AFF2: variants seen among roughly 807,000 people sequenced by gnomAD.
AFF2 encodes ALF transcription elongation factor 2.
In AFF2, 14 loss-of-function variants were observed where a neutral mutation model predicts 76.9. The ratio of observed to expected loss-of-function variants is 0.18; its 90% CI spans 0.12 to 0.28. The LOEUF is 0.28. Among genes scored for constraint, AFF2 ranks in the 10% least tolerant of loss-of-function variants. AFF2 has a pLI of 1.00. For missense variants in AFF2, 868 were observed against 1,001.1 expected, an observed-to-expected ratio of 0.87 and a Z score of 1.79; for synonymous variants, 398 against 366.7, an observed-to-expected ratio of 1.09 and a Z score of -0.98.
intron 1 of AFF2, among the ~76,000 whole-genome samples, chrX:148,578,160 T>C (rs1159445119): frequency 1.8e-5 from 2 of 112,065 alleles, no homozygotes; most frequent in Admixed American, 1.9e-4. Context: ...GCTTGTGCTT[T>C]TAGGTTTTGG....
At chrX:148,840,770 A>G (rs1413862101) in intron 5 of AFF2, among the ~76,000 whole-genome samples, 2 of 112,408 alleles carry the variant, frequency 1.8e-5, no homozygotes, top group African/African-American at 3.2e-5. Flanking sequence ...CTGGATATGT[A>G]TGTAAAGTAA....
Position 148,822,355 on chromosome X carries a change from G to A in AFF2, c.1086+12435G>A, listed in dbSNP as rs782514759. ...TCTATAGATAAGCAGTGGTAAGAGCGAGAAATGACACCCATCTAGCCAGCC... is the reference window on the plus strand; with the variant it reads ...TCTATAGATAAGCAGTGGTAAGAGCAAGAAATGACACCCATCTAGCCAGCC... On this transcript the variant is annotated intron_variant, in intron 4 of 20. Coordinates refer to ENST00000370460, the MANE Select transcript of AFF2 (RefSeq NM_002025.4). 10 of 111,427 alleles carry A rather than the reference G, an allele frequency of 9.0e-5. No individual in the cohort carries two copies. In the South Asian group the frequency reaches 1.2e-3, roughly 13 times the overall value. 9.2% of individuals were successfully genotyped at this position (111,427 alleles called of 1,213,427 possible).
intron 9 of AFF2, among the ~76,000 whole-genome samples, chrX:148,951,134 G>A (rs1174357281): frequency 1.0e-5 from 1 of 98,421 alleles, no homozygotes; most frequent in African/African-American, 3.7e-5. Flanking sequence ...AAGGGCTTTA[G>A]ATAGGAAAGA....
intron 3 of AFF2, among the ~76,000 whole-genome samples, chrX:148,769,921 G>T (rs892819052): frequency 9.0e-6 from 1 of 111,502 alleles, no homozygotes; most frequent in Non-Finnish European, 1.9e-5. Context: ...GCTGCTGGGG[G>T]CAGAGCTTTC....
chrX:148,783,352 AT>A (rs782499925), intron 3 of AFF2, among the ~76,000 whole-genome samples: 30 of 108,227 alleles, frequency 2.8e-4, no homozygotes, highest in African/African-American at 8.1e-4. Flanking sequence ...GGAAACAACC[AT>A]TTTTTTTTTA....
chrX:148,775,409 T>A (rs7890217), intron 3 of AFF2, among the ~76,000 whole-genome samples: 3,092 of 112,140 alleles, frequency 0.028, 113 homozygotes, highest in African/African-American at 0.095. Flanking sequence ...CTTAAACTTT[T>A]CACATTAAAT....
chrX:148,857,663 GA>G (rs2070801803), intron 7 of AFF2, among the ~76,000 whole-genome samples: 1 of 110,983 alleles, frequency 9.0e-6, no homozygotes, highest in African/African-American at 3.3e-5. Flanking sequence ...TTGTTTTTCA[GA>G]GAGAGATCTT....
intron 3 of AFF2, among the ~76,000 whole-genome samples, chrX:148,742,311 G>A (rs181871647): frequency 5.3e-5 from 6 of 112,164 alleles, no homozygotes; most frequent in East Asian, 2.8e-4. Context: ...ATATTTCTGC[G>A]AAGAAATCTC....
At chrX:148,598,930 G>A (rs1252270320) in intron 1 of AFF2, among the ~76,000 whole-genome samples, 6 of 111,819 alleles carry the variant, frequency 5.4e-5, no homozygotes, top group Non-Finnish European at 1.1e-4. Flanking sequence ...CCCTTCTGTC[G>A]GGCTAAATAA....
intron 1 of AFF2, among the ~76,000 whole-genome samples, chrX:148,528,735 A>G (rs1421623664): frequency 8.9e-6 from 1 of 112,081 alleles, no homozygotes; most frequent in Admixed American, 9.5e-5. Flanking sequence ...TTCTAAAAGA[A>G]ACAATCCGTT....
rs781982117 is a variant in AFF2, at chrX:148,690,410, G to C, written c.1041+27642G>C. Among the ~76,000 whole-genome samples, 15 of 112,019 alleles carry C rather than the reference G, an allele frequency of 1.3e-4. No individual in the cohort carries two copies. In the East Asian group the frequency reaches 3.9e-3, roughly 29 times the overall value. Reference sequence around the variant, plus strand: ...GAACCACAGAGAATGTAGCAGTAAGGACCCATAGATACCATCTAGTCTAAA... The same window carrying C: ...GAACCACAGAGAATGTAGCAGTAAGCACCCATAGATACCATCTAGTCTAAA... On this transcript the variant is annotated intron_variant, in intron 3 of 20. Coordinates refer to ENST00000370460, the MANE Select transcript of AFF2 (RefSeq NM_002025.4).
At chrX:148,552,775 A>G (rs1422094575) in intron 1 of AFF2, among the ~76,000 whole-genome samples, 1 of 112,134 alleles carries the variant, frequency 8.9e-6, no homozygotes, top group East Asian at 2.8e-4. Context: ...AGAATGGAGA[A>G]TGGAAGACCT....
chrX:148,632,894 G>A (rs1557253221), intron 1 of AFF2, among the ~76,000 whole-genome samples: 1 of 111,858 alleles, frequency 8.9e-6, no homozygotes, highest in East Asian at 2.8e-4. Flanking sequence ...CAGAAAGATG[G>A]AAACCCAGGT....
At chrX:148,565,569 C>G (rs924861089) in intron 1 of AFF2, among the ~76,000 whole-genome samples, 1 of 111,140 alleles carries the variant, frequency 9.0e-6, no homozygotes, top group African/African-American at 3.3e-5. Flanking sequence ...AAATTTCATA[C>G]TTATTAGCTT....
intron 1 of AFF2, among the ~76,000 whole-genome samples, chrX:148,567,928 A>G (rs1272416088): frequency 9.0e-6 from 1 of 111,613 alleles, no homozygotes; most frequent in Non-Finnish European, 1.9e-5. Flanking sequence ...AAGCATACAC[A>G]TTAGTAAGGC....
chrX:148,817,186 T>G (rs1445459010), intron 4 of AFF2, among the ~76,000 whole-genome samples: 1 of 111,297 alleles, frequency 9.0e-6, no homozygotes, highest in Non-Finnish European at 1.9e-5. Context: ...TAATTCAAGA[T>G]CCTTTTCCCA....
At chrX:148,729,404 G>T (rs1328748461) in intron 3 of AFF2, among the ~76,000 whole-genome samples, 1 of 112,079 alleles carries the variant, frequency 8.9e-6, no homozygotes, top group Admixed American at 9.4e-5. Flanking sequence ...AAGGGGCATG[G>T]TCGGGAAGGG....
chrX:148,552,647 CTGCTCACTT>C (rs1276708468), intron 1 of AFF2, among the ~76,000 whole-genome samples: 1 of 112,216 alleles, frequency 8.9e-6, no homozygotes. Context: ...GCTTGTTGGT[CTGCTCACTT>C]TGCTGTTTTG....
intron 9 of AFF2, among the ~76,000 whole-genome samples, chrX:148,934,565 C>T (rs2071750557): frequency 8.9e-6 from 1 of 112,115 alleles, no homozygotes; most frequent in Non-Finnish European, 1.9e-5. Flanking sequence ...AGAATTAATT[C>T]CAAGTCAATT....
Sources: allele counts gnomAD v4.1 joint callset (sites outside exome capture counted in the v4.1 genomes callset), GRCh38; gene constraint gnomAD v4.1.1; transcripts MANE v1.5; gene names NCBI Gene and HGNC (gene_info 2026-07-23, HGNC 2026-07-21).